NSMCE2: variants seen among roughly 807,000 people sequenced by gnomAD.
NSMCE2 encodes the protein NSE2 SUMO ligase component of SMC5/6 complex.
In NSMCE2, 24 loss-of-function variants were observed where a neutral mutation model predicts 23.8. The observed-to-expected ratio is 1.01, with a 90% CI of 0.73 to 1.42. NSMCE2 has a LOEUF of 1.42. Ranked by LOEUF, NSMCE2 falls within the 40% of genes most tolerant of loss-of-function variation. The probability of loss-of-function intolerance (pLI) is 0.00; values close to 1 mark genes in which losing one functional copy is unlikely to be tolerated. For synonymous variants in NSMCE2, 92 were observed against 94.1 expected (o/e 0.98, Z 0.13); for missense variants, 284 against 296.5 (o/e 0.96, Z 0.31).
chr8:125,137,716 G>A (rs1820144551), intron 3 of NSMCE2, among the ~76,000 whole-genome samples: 1 of 152,172 alleles, frequency 6.6e-6, no homozygotes, highest in Non-Finnish European at 1.5e-5. Flanking sequence ...GAGGTAGTTA[G>A]GCGAATGGAC....
intron 4 of NSMCE2, among the ~76,000 whole-genome samples, chr8:125,164,011 A>G (rs1821752257): frequency 6.6e-6 from 1 of 152,254 alleles, no homozygotes; most frequent in African/African-American, 2.4e-5. Flanking sequence ...AGGTCTGGAT[A>G]AGATAATGAA....
rs777485035 is a variant in NSMCE2, at chr8:125,152,882, A to G, written c.264+1605A>G. Among the ~76,000 whole-genome samples, 114 of 151,986 alleles carry G rather than the reference A, an allele frequency of 7.5e-4. 5 individuals are homozygous for G. Among genetic ancestry groups the G allele is most frequent in the Non-Finnish European group, 1.0e-4 (7 of 67,990 alleles). On this transcript the variant is annotated intron_variant, in intron 4 of 7. Transcript: ENST00000287437. ...AGACCAGCCTGGCCAACATAGTGAA[A>G]CCCTGTCTCTACTAAAATACAAAAA...
chr8:125,349,136 T>G (rs1369253123), intron 5 of NSMCE2, among the ~76,000 whole-genome samples: 1 of 152,070 alleles, frequency 6.6e-6, no homozygotes, highest in Non-Finnish European at 1.5e-5. Flanking sequence ...CTAAGAAGTA[T>G]CTGAGTCCAC....
At chr8:125,292,553 CA>C (rs374883759) in intron 5 of NSMCE2, among the ~76,000 whole-genome samples, 64 of 135,374 alleles carry the variant, frequency 4.7e-4, no homozygotes, top group Admixed American at 5.2e-4. Flanking sequence ...GACTCCATCT[CA>C]AAAAAAAAAA....
At chr8:125,233,231 A>G (rs1825405428) in intron 5 of NSMCE2, among the ~76,000 whole-genome samples, 1 of 152,240 alleles carries the variant, frequency 6.6e-6, no homozygotes, top group African/African-American at 2.4e-5. Flanking sequence ...TTTAAGCTAC[A>G]TTCTGGGATC....
chr8:125,357,158 A>C, intron 5 of NSMCE2, 61 bp from the exon 6 acceptor site: 2 of 1,105,550 alleles, frequency 1.8e-6, no homozygotes, highest in South Asian at 1.3e-5. Context: ...CCTTCCTTCC[A>C]TTCCTTCCTT....
chr8:125,253,718 T>C (rs975477473), intron 5 of NSMCE2, among the ~76,000 whole-genome samples: 4 of 152,200 alleles, frequency 2.6e-5, no homozygotes, highest in Admixed American at 2.0e-4. Flanking sequence ...GTGCCTTTCC[T>C]CCAGAAAGCT....
At chr8:125,276,900 G>A (rs1391477098) in intron 5 of NSMCE2, among the ~76,000 whole-genome samples, 1 of 152,104 alleles carries the variant, frequency 6.6e-6, no homozygotes, top group Non-Finnish European at 1.5e-5. Flanking sequence ...CCACTGCATT[G>A]CACAACTGTG....
chr8:125,214,816 G>A (rs937237447), intron 5 of NSMCE2, among the ~76,000 whole-genome samples: 3 of 151,926 alleles, frequency 2.0e-5, no homozygotes, highest in Admixed American at 1.3e-4. Flanking sequence ...GTGGGTGTTC[G>A]TGTATTAACA....
intron 3 of NSMCE2, among the ~76,000 whole-genome samples, chr8:125,149,068 G>C (rs528114945): frequency 6.6e-6 from 1 of 152,188 alleles, no homozygotes; most frequent in South Asian, 2.1e-4. Context: ...GACTCTAATA[G>C]TCTAACAATT....
intron 3 of NSMCE2, among the ~76,000 whole-genome samples, chr8:125,110,279 C>T (rs1253536636): frequency 6.6e-6 from 1 of 152,160 alleles, no homozygotes. Flanking sequence ...CAGATTCTTG[C>T]TAAATATTTG....
At chr8:125,143,008 C>T (rs1384449911) in intron 3 of NSMCE2, among the ~76,000 whole-genome samples, 2 of 151,856 alleles carry the variant, frequency 1.3e-5, no homozygotes, top group African/African-American at 4.8e-5. Context: ...AAATATTGCT[C>T]AAGGAGTGAG....
intron 5 of NSMCE2, among the ~76,000 whole-genome samples, chr8:125,296,772 T>C (rs1162858436): frequency 6.6e-6 from 1 of 152,216 alleles, no homozygotes; most frequent in East Asian, 1.9e-4. Flanking sequence ...CATAAGACAA[T>C]AACTGCTGAG....
intron 4 of NSMCE2, among the ~76,000 whole-genome samples, chr8:125,154,633 G>A (rs1370891634): frequency 2.6e-5 from 4 of 152,034 alleles, no homozygotes; most frequent in African/African-American, 9.7e-5. Context: ...GGTTAAATGG[G>A]TTTTATACCT....
intron 5 of NSMCE2, among the ~76,000 whole-genome samples, chr8:125,232,191 T>C (rs1262955775): frequency 6.6e-6 from 1 of 152,058 alleles, no homozygotes; most frequent in Non-Finnish European, 1.5e-5. Context: ...AGAAATCCCG[T>C]CTGTACTAAA....
At chr8:125,104,541 A>G (rs1251287827) in intron 3 of NSMCE2, among the ~76,000 whole-genome samples, 2 of 152,344 alleles carry the variant, frequency 1.3e-5, no homozygotes, top group African/African-American at 4.8e-5. Flanking sequence ...CCTAGGTCCT[A>G]CGTGACTGAA....
At chr8:125,198,614 A>G (rs939118256) in intron 5 of NSMCE2, among the ~76,000 whole-genome samples, 6 of 152,208 alleles carry the variant, frequency 3.9e-5, no homozygotes, top group Non-Finnish European at 7.4e-5. Flanking sequence ...GGATTTTCAC[A>G]TCGATGTTCA....
At position 125,178,932 on chromosome 8, in the gene NSMCE2, G is replaced by T. The variant is rs533772818; in HGVS notation, c.265-3171G>T. Reference sequence around the variant, plus strand: ...CAGTAAGTGGGCCTTAATCCAATATGACTGATGTCCTTAAGAGGAAATTTG... The same window carrying T: ...CAGTAAGTGGGCCTTAATCCAATATTACTGATGTCCTTAAGAGGAAATTTG... On this transcript the variant is annotated intron_variant, in intron 4 of 7. Coordinates refer to ENST00000287437, the MANE Select transcript of NSMCE2 (RefSeq NM_173685.4). Among the ~76,000 whole-genome samples, 6 of 152,234 alleles carry T rather than the reference G, an allele frequency of 3.9e-5. No homozygotes were observed. In the South Asian group the frequency reaches 1.0e-3, roughly 26 times the overall value.
chr8:125,164,106 C>A (rs1171119918), intron 4 of NSMCE2, among the ~76,000 whole-genome samples: 1 of 152,208 alleles, frequency 6.6e-6, no homozygotes, highest in Non-Finnish European at 1.5e-5. Context: ...TCAGTTCATA[C>A]TCCAGTCTCC....
Sources: allele counts gnomAD v4.1 joint callset (sites outside exome capture counted in the v4.1 genomes callset), GRCh38; gene constraint gnomAD v4.1.1; transcripts MANE v1.5; gene names NCBI Gene and HGNC (gene_info 2026-07-23, HGNC 2026-07-21).